RBFOX2: variants seen among roughly 807,000 people sequenced by gnomAD.
RBFOX2 encodes the protein RNA binding fox-1 homolog 2, also known as RNA binding protein fox-1 homolog 2.
A neutral mutation model predicts 49.1 loss-of-function variants in RBFOX2; 10 were observed. The ratio of observed to expected loss-of-function variants is 0.20; its 90% CI spans 0.13 to 0.35. RBFOX2 has a LOEUF of 0.35. Ranked by LOEUF, RBFOX2 falls within the 10% of genes least tolerant of loss-of-function variation. The pLI, the probability that RBFOX2 is intolerant of heterozygous loss-of-function variation, is 1.00. For synonymous variants in RBFOX2, 183 were observed against 187.4 expected, an observed-to-expected ratio of 0.98 and a Z score of 0.19; for missense variants, 323 against 486.9, an observed-to-expected ratio of 0.66 and a Z score of 3.17.
chr22:35,837,584 T>C (rs1957913794), intron 1 of RBFOX2, among the ~76,000 whole-genome samples: 1 of 152,092 alleles, frequency 6.6e-6, no homozygotes, highest in African/African-American at 2.4e-5. Flanking sequence ...AGCTGGTTAT[T>C]TCCTTTGATT....
intron 1 of RBFOX2, among the ~76,000 whole-genome samples, chr22:35,876,489 T>C (rs1026656503): frequency 6.6e-6 from 1 of 152,048 alleles, no homozygotes; most frequent in Non-Finnish European, 1.5e-5. Flanking sequence ...TAATAGGCAG[T>C]ACCACAGCTC....
chr22:35,958,383 T>G (rs928237164), intron 1 of RBFOX2, among the ~76,000 whole-genome samples: 4 of 152,206 alleles, frequency 2.6e-5, no homozygotes, highest in Admixed American at 1.3e-4. Flanking sequence ...ACCTACCCCA[T>G]AGAGAAAAAC....
intron 1 of RBFOX2, among the ~76,000 whole-genome samples, chr22:35,988,074 C>A (rs1396721648): frequency 6.6e-6 from 1 of 152,194 alleles, no homozygotes; most frequent in Non-Finnish European, 1.5e-5. Flanking sequence ...AGCCTTGAAA[C>A]AAACTAACTA....
intron 3 of RBFOX2, among the ~76,000 whole-genome samples, chr22:35,781,328 C>T (rs1275565499): frequency 1.3e-5 from 2 of 152,180 alleles, no homozygotes; most frequent in Non-Finnish European, 1.5e-5. Context: ...ATCCTGGTTT[C>T]AGCACTGAAA....
chr22:35,920,404 C>T (rs186362904), intron 1 of RBFOX2, among the ~76,000 whole-genome samples: 1 of 152,264 alleles, frequency 6.6e-6, no homozygotes, highest in Admixed American at 6.5e-5. Context: ...ATCAGTATTC[C>T]TATTTGTTCT....
chr22:35,905,083 T>A (rs1326878362), intron 1 of RBFOX2, among the ~76,000 whole-genome samples: 1 of 152,184 alleles, frequency 6.6e-6, no homozygotes, highest in African/African-American at 2.4e-5. Context: ...GCAGGAAAAC[T>A]CCATCAGACC....
intron 1 of RBFOX2, chr22:35,996,298 G>A (rs2058186770): frequency 6.6e-6 from 1 of 152,144 alleles, no homozygotes; most frequent in Admixed American, 6.5e-5. Context: ...TCCAACAGGT[G>A]AGGAAAGAAT....
chr22:35,880,025 G>A (rs538094802), intron 1 of RBFOX2, among the ~76,000 whole-genome samples: 6 of 152,248 alleles, frequency 3.9e-5, no homozygotes, highest in East Asian at 3.9e-4. Context: ...GCATGGTGGC[G>A]CATACCTGTA....
Position 35,938,696 on chromosome 22 carries a change from A to T in RBFOX2, c.-34+151T>A, listed in dbSNP as rs915568188. The T allele has an allele frequency of 8.6e-5, 59 of 682,814 alleles. No individual in the cohort carries two copies. The East Asian group carries it at 1.6e-3, about 18-fold the overall frequency. 42.3% of individuals were successfully genotyped at this position (682,814 alleles called of 1,614,324 possible). Reference sequence around the variant, plus strand: ...CTTATAGAATTTAAAAATATGCTTAATTTACATCTGTAAAAGTAAATTCAC... The same window carrying T: ...CTTATAGAATTTAAAAATATGCTTATTTTACATCTGTAAAAGTAAATTCAC... On this transcript the variant is annotated intron_variant, in intron 1 of 13. Transcript: ENST00000359369.
At chr22:35,756,546 A>G (rs1215426400) in intron 9 of RBFOX2, among the ~76,000 whole-genome samples, 1 of 152,178 alleles carries the variant, frequency 6.6e-6, no homozygotes, top group East Asian at 1.9e-4. Flanking sequence ...AGAGCTTACA[A>G]AGTAGGGTAG....
intron 2 of RBFOX2, among the ~76,000 whole-genome samples, chr22:35,804,513 C>T (rs1163208032): frequency 6.6e-6 from 1 of 152,046 alleles, no homozygotes; most frequent in East Asian, 1.9e-4. Flanking sequence ...AAGAACAACT[C>T]ATCACCTACA....
chr22:35,891,943 T>C (rs1364480409), intron 1 of RBFOX2, among the ~76,000 whole-genome samples: 1 of 152,016 alleles, frequency 6.6e-6, no homozygotes, highest in Admixed American at 6.6e-5. Context: ...GTACTTAACA[T>C]ACAAACTAAG....
intron 1 of RBFOX2, among the ~76,000 whole-genome samples, chr22:35,838,668 T>G (rs1958151173): frequency 2.0e-5 from 3 of 151,942 alleles, no homozygotes; most frequent in Admixed American, 2.0e-4. Context: ...GGCACAGAGG[T>G]TTCCAAAAAA....
chr22:35,884,502 C>T (rs189777831), intron 1 of RBFOX2, among the ~76,000 whole-genome samples: 6 of 152,288 alleles, frequency 3.9e-5, no homozygotes, highest in Non-Finnish European at 8.8e-5. Context: ...CAAACTCACT[C>T]ACCTGGCTGC....
chr22:35,858,223 A>C (rs1439127326), intron 1 of RBFOX2, among the ~76,000 whole-genome samples: 1 of 152,242 alleles, frequency 6.6e-6, no homozygotes, highest in African/African-American at 2.4e-5. Context: ...AAAACCAATT[A>C]TTGATACATT....
At chr22:35,948,901 CTCCA>C (rs2054607066) in intron 1 of RBFOX2, among the ~76,000 whole-genome samples, 2 of 152,044 alleles carry the variant, frequency 1.3e-5, no homozygotes, top group Non-Finnish European at 2.9e-5. Flanking sequence ...GTGCAACCAC[CTCCA>C]TCCATCTCCA....
At chr22:35,843,291 C>CGAT (rs764998429), upstream of RBFOX2, among the ~76,000 whole-genome samples, 1 of 152,072 alleles carries the variant, frequency 6.6e-6, no homozygotes, top group Non-Finnish European at 1.5e-5. Context: ...AGGGTGGGCA[C>CGAT]GATGAGATGT....
chr22:35,927,964 T>C (rs544308175), intron 1 of RBFOX2, among the ~76,000 whole-genome samples: 40 of 152,200 alleles, frequency 2.6e-4, no homozygotes, highest in Non-Finnish European at 4.9e-4. Flanking sequence ...AATCAGAATG[T>C]GAGAACTAAT....
chr22:35,928,986 T>C (rs941650409), intron 1 of RBFOX2, among the ~76,000 whole-genome samples: 2 of 151,978 alleles, frequency 1.3e-5, no homozygotes, highest in Admixed American at 1.3e-4. Context: ...GGCCACGTTG[T>C]CTCAAGCTGG....
Sources: gnomAD v4.1 joint callset for allele counts (sites outside exome capture counted in the v4.1 genomes callset) on GRCh38, gnomAD v4.1.1 for gene constraint, MANE v1.5 for transcripts, NCBI Gene and HGNC (gene_info 2026-07-23, HGNC 2026-07-21) for gene names.